BLM: variants seen among roughly 807,000 people sequenced by gnomAD.
BLM encodes the protein recQ-like DNA helicase BLM.
A neutral mutation model predicts 135.3 loss-of-function variants in BLM; 95 were observed. The ratio of observed to expected loss-of-function variants is 0.70; its 90% CI spans 0.59 to 0.83. BLM has a LOEUF of 0.83. Among genes scored for constraint, BLM ranks in the 40% least tolerant of loss-of-function variants. The pLI, the probability that BLM is intolerant of heterozygous loss-of-function variation, is 0.00. For synonymous variants in BLM, 520 were observed against 589.2 expected (o/e 0.88, Z 1.70); for missense variants, 1,518 against 1,663.9 (o/e 0.91, Z 1.53).
rs1480729955 is a variant in BLM at position 90,760,173 on chromosome 15, C to G, written c.1114C>G (p.Leu372Val). Residue 372 changes from leucine (L) to valine (V), a missense_variant, in exon 6 of 22, where the codon CTT becomes GTT. By Grantham distance (32) the Leu-to-Val change is conservative. Around this residue, in one of 5 missense-constraint regions of BLM, gnomAD observed 724 missense variants for 756.9 expected, o/e 0.96. Transcript: ENST00000355112. ...DARQISLQQQLIHVMEHICKL... is the reference protein window; with the variant it reads ...DARQISLQQQVIHVMEHICKL... ...TAGACAGATAAGTTTACAGCAGCAG[C>G]TTATTCATGTGATGGAGCACATCTG... 1 of 1,611,848 alleles carries G rather than the reference C, an allele frequency of 6.2e-7. No individual in the cohort carries two copies. The highest frequency in any genetic ancestry group is 1.1e-5 in the South Asian group (1 of 91,036).
At chr15:90,776,161 G>T (rs1896471742) in intron 12 of BLM, among the ~76,000 whole-genome samples, 1 of 152,162 alleles carries the variant, frequency 6.6e-6, no homozygotes, top group African/African-American at 2.4e-5. Context: ...TATATGCCAA[G>T]ATTACGTAAT....
chr15:90,794,358 G>A lies in BLM; in HGVS notation c.3210+1G>A. On this transcript the variant is annotated splice_donor_variant, in intron 16 of 21. Coordinates refer to ENST00000355112, the MANE Select transcript of BLM (RefSeq NM_000057.4). LOFTEE classifies it high-confidence loss of function. ...TTGTGATAATTGCTGTAAAACAAAG[G>A]TAAAAAAAGAAGTTTTAAAATTCTT... 6.4e-7 allele frequency: 1 copy of A among 1,572,304 alleles called. No individual in the cohort carries two copies. The highest frequency in any genetic ancestry group is 8.6e-7 in the Non-Finnish European group (1 of 1,162,284).
chr15:90,730,865 T>C (rs962014029), intron 1 of BLM, among the ~76,000 whole-genome samples: 1 of 152,214 alleles, frequency 6.6e-6, no homozygotes, highest in Non-Finnish European at 1.5e-5. Flanking sequence ...TGGTGAATTA[T>C]ATTAATTGAT....
intron 1 of BLM, among the ~76,000 whole-genome samples, chr15:90,737,150 G>A (rs560393281): frequency 6.6e-6 from 1 of 151,116 alleles, no homozygotes; most frequent in African/African-American, 2.4e-5. Context: ...AGAAAGAAAT[G>A]CAACTGAATT....
rs770313956 is a variant in BLM, at chr15:90,815,230, C to T, written c.4205C>T (p.Pro1402Leu). ...AGCAAATTGGGGATTATGGCTCCAC[C>T]GAAGCCTATAAATAGACCGTTTCTT... ...ANSKLGIMAP[P>L]KPINRPFLKP... is the part of the protein sequence containing the mutation. Residue 1402 changes from proline (P) to leucine (L), a missense_variant, in exon 22 of 22, where the codon CCG becomes CTG. Pro to Leu is a moderately conservative substitution (Grantham distance 98). Coordinates refer to ENST00000355112, the MANE Select transcript of BLM (RefSeq NM_000057.4). This position sits in a 1 kb window ranked among gnomAD's most constrained non-coding sequence, Gnocchi z 4.6. The T allele has an allele frequency of 3.3e-5, 54 of 1,614,032 alleles. No homozygotes were observed. The highest frequency in any genetic ancestry group is 7.7e-5 in the South Asian group (7 of 91,076).
chr15:90,788,126 G>A (rs868056217), intron 14 of BLM, among the ~76,000 whole-genome samples: 1 of 152,142 alleles, frequency 6.6e-6, no homozygotes, highest in African/African-American at 2.4e-5. Context: ...ATGGGGTGGG[G>A]TGGAAATTAT....
intron 5 of BLM, among the ~76,000 whole-genome samples, chr15:90,756,060 C>G (rs1378411544): frequency 1.3e-5 from 2 of 151,376 alleles, no homozygotes; most frequent in Non-Finnish European, 2.9e-5. Context: ...ACAATATTAA[C>G]TAATTCAGTC....
At chr15:90,798,913 G>A (rs1251284683) in intron 17 of BLM, among the ~76,000 whole-genome samples, 1 of 151,998 alleles carries the variant, frequency 6.6e-6, no homozygotes, top group East Asian at 1.9e-4. Flanking sequence ...AACCCGGGAA[G>A]TGAAGACTGC....
chr15:90,780,081 CTT>C (rs1164879678), intron 12 of BLM, among the ~76,000 whole-genome samples: 20 of 135,406 alleles, frequency 1.5e-4, no homozygotes, highest in African/African-American at 3.0e-4. Context: ...AGCAGGATGT[CTT>C]TTTTTTTTTT....
At chr15:90,717,697 C>T (rs778886782) in intron 1 of BLM, among the ~76,000 whole-genome samples, 75 of 152,364 alleles carry the variant, frequency 4.9e-4, no homozygotes, top group Non-Finnish European at 7.8e-4. Flanking sequence ...CGAGCATGGG[C>T]TAGGACCTGG....
intron 12 of BLM, 139 bp downstream of exon 12, chr15:90,769,725 G>A (rs1226115794): frequency 1.9e-6 from 2 of 1,055,016 alleles, no homozygotes; most frequent in Non-Finnish European, 2.8e-6. Context: ...TAACCCGATG[G>A]CAGCTAAATC....
intron 5 of BLM, 69 bp downstream of exon 5, chr15:90,755,007 A>T (rs1895781812): frequency 7.7e-6 from 12 of 1,566,598 alleles, no homozygotes; most frequent in African/African-American, 1.4e-5. Flanking sequence ...TAACACAAAG[A>T]TTGTGTTTTG....
chr15:90,780,122 TC>T (rs1276128404), intron 12 of BLM, among the ~76,000 whole-genome samples: 1 of 151,456 alleles, frequency 6.6e-6, no homozygotes, highest in Non-Finnish European at 1.5e-5. Context: ...GTCTCACTCT[TC>T]GCCCAGGCTG....
chr15:90,744,387 T>A (rs1486215661), intron 1 of BLM, among the ~76,000 whole-genome samples: 1 of 152,140 alleles, frequency 6.6e-6, no homozygotes, highest in African/African-American at 2.4e-5. Context: ...ATTTATTTAT[T>A]TTTTGAGACA....
intron 14 of BLM, among the ~76,000 whole-genome samples, chr15:90,787,159 C>T (rs910970615): frequency 2.7e-5 from 4 of 148,938 alleles, no homozygotes; most frequent in African/African-American, 7.4e-5. Context: ...ACGCCATTCT[C>T]CTGCCTCAGC....
In BLM at chr15:90,766,048, G is replaced by A. The variant is rs28385032; in HGVS notation, c.2193+634G>A. Among the ~76,000 whole-genome samples the A allele has an allele frequency of 4.7e-3, 721 of 152,324 alleles. 11 individuals are homozygous for A. Among genetic ancestry groups the A allele is most frequent in the East Asian group, 0.029 (149 of 5,188 alleles). On this transcript the variant is annotated intron_variant, in intron 9 of 21. Coordinates refer to ENST00000355112, the MANE Select transcript of BLM (RefSeq NM_000057.4). ...CGCTAGAGCCCAGGAGTTTGAGGCTGCAGTGGGTCATGATCATGCCACTAC... is the reference window on the plus strand; with the variant it reads ...CGCTAGAGCCCAGGAGTTTGAGGCTACAGTGGGTCATGATCATGCCACTAC...
intron 1 of BLM, among the ~76,000 whole-genome samples, chr15:90,738,583 A>C (rs193110264): frequency 8.9e-4 from 135 of 151,696 alleles, no homozygotes; most frequent in African/African-American, 2.8e-3. Context: ...ACAAAACAAA[A>C]CAAAACAAAA....
chr15:90,774,704 T>G (rs1896425057), intron 12 of BLM, among the ~76,000 whole-genome samples: 1 of 150,922 alleles, frequency 6.6e-6, no homozygotes, highest in Non-Finnish European at 1.5e-5. Flanking sequence ...CGTGGTGGCA[T>G]GCACCTATAG....
At chr15:90,753,754 T>C (rs1245476122) in intron 4 of BLM, among the ~76,000 whole-genome samples, 1 of 152,238 alleles carries the variant, frequency 6.6e-6, no homozygotes, top group Non-Finnish European at 1.5e-5. Flanking sequence ...AAGAGAGACC[T>C]GTTTTTCAAA....
Sources: allele counts gnomAD v4.1 joint callset (sites outside exome capture counted in the v4.1 genomes callset), GRCh38; gene constraint gnomAD v4.1.1; regional missense constraint gnomAD v4.1.1; non-coding constraint Gnocchi (gnomAD v3.1); transcripts MANE v1.5; gene names NCBI Gene and HGNC (gene_info 2026-07-23, HGNC 2026-07-21).